The following PCDH15 variants were observed in gnomAD, a reference collection of about 807,000 sequenced individuals.
PCDH15 encodes protocadherin-15.
PCDH15 carries 129 observed loss-of-function variants against 178.5 expected under a neutral mutation model. That is an observed-to-expected ratio of 0.72 (90% CI 0.63 to 0.84). PCDH15 has a LOEUF of 0.84. Ranked by LOEUF, PCDH15 falls within the 40% of genes least tolerant of loss-of-function variation. The pLI, the probability that PCDH15 is intolerant of heterozygous loss-of-function variation, is 0.00. For synonymous variants in PCDH15, 800 were observed against 732.0 expected (o/e 1.09, Z -1.50); for missense variants, 2,230 against 2,099.9 (o/e 1.06, Z -1.21).
At chr10:54,733,797 A>T (rs1943715286) in intron 1 of PCDH15, among the ~76,000 whole-genome samples, 1 of 151,432 alleles carries the variant, frequency 6.6e-6, no homozygotes, top group African/African-American at 2.4e-5. Flanking sequence ...AGAACCACAC[A>T]AATGTTTATT....
chr10:54,186,094 T>A (rs2048450559), intron 11 of PCDH15, among the ~76,000 whole-genome samples: 1 of 151,918 alleles, frequency 6.6e-6, no homozygotes, highest in Non-Finnish European at 1.5e-5. Flanking sequence ...CTAGCACTGA[T>A]GTCTGCATAG....
In PCDH15 at chr10:54,752,476, CAAA is replaced by C. The variant is rs755874514; in HGVS notation, c.-29+48446_-29+48448del. 6.0e-4 allele frequency among the ~76,000 whole-genome samples: 54 copies of C among 89,782 alleles called. 7 individuals are homozygous for C. The highest frequency in any genetic ancestry group is 3.9e-4 in the Admixed American group (4 of 10,282). 58.9% of individuals were successfully genotyped at this position (89,782 alleles called of 152,430 possible). A position where few individuals can be genotyped will look rare whatever the true frequency, so the allele number is the denominator to read the frequency against. Reference sequence around the variant, plus strand: ...TGGGTGACAGAACGAGACTCCGTCTCAAAAAAAAAAAAAAACAAAAAACAAAAA... The same window carrying C: ...TGGGTGACAGAACGAGACTCCGTCTCAAAAAAAAAAAACAAAAAACAAAAA... On this transcript the variant is annotated intron_variant, in intron 1 of 37. Transcript: ENST00000644397.
At chr10:54,455,931 A>G (rs1589501719) in intron 3 of PCDH15, among the ~76,000 whole-genome samples, 1 of 152,314 alleles carries the variant, frequency 6.6e-6, no homozygotes, top group Non-Finnish European at 1.5e-5. Flanking sequence ...TTGGCAGCTT[A>G]CACATGGTAT....
rs561001302 is a variant in PCDH15, at chr10:54,359,584, A to T, written c.474+9536T>A. Among the ~76,000 whole-genome samples, 3 of 152,160 alleles carry T rather than the reference A, an allele frequency of 2.0e-5. No homozygotes were observed. In the South Asian group the frequency reaches 6.2e-4, roughly 31 times the overall value. ...TATAAGAAAAATAATGTTTAAATGT[A>T]ATATAGCTTTACTTCTATTACATTT... On this transcript the variant is annotated intron_variant, in intron 5 of 37. Transcript: ENST00000644397.
intron 2 of PCDH15, among the ~76,000 whole-genome samples, chr10:55,144,351 T>G (rs1371884358): frequency 6.6e-6 from 1 of 152,030 alleles, no homozygotes; most frequent in Admixed American, 6.6e-5. Context: ...CATCTCAACT[T>G]TGTCTGCATG....
chr10:54,225,252 C>A (rs1215436632), intron 9 of PCDH15, among the ~76,000 whole-genome samples: 1 of 152,122 alleles, frequency 6.6e-6, no homozygotes, highest in African/African-American at 2.4e-5. Context: ...TTCTTGTATC[C>A]TTTAAAGTTT....
At chr10:54,527,388 T>C (rs938317188) in intron 3 of PCDH15, among the ~76,000 whole-genome samples, 28 of 152,240 alleles carry the variant, frequency 1.8e-4, no homozygotes, top group African/African-American at 6.5e-4. Context: ...ACAATCACCA[T>C]GTCTAATCGG....
chr10:54,398,918 A>G (rs1482927188), intron 3 of PCDH15, among the ~76,000 whole-genome samples: 3 of 152,114 alleles, frequency 2.0e-5, no homozygotes, highest in Non-Finnish European at 4.4e-5. Flanking sequence ...AATAATGTAA[A>G]TGGCCGACAT....
At chr10:54,871,428 G>GA (rs5785096) in intron 3 of PCDH15, among the ~76,000 whole-genome samples, 82,732 of 143,296 alleles carry the variant, frequency 0.58, 23,543 homozygotes, top group South Asian at 0.66. Flanking sequence ...AGTCTGAGAG[G>GA]AAAAAAAAAA....
intron 13 of PCDH15, among the ~76,000 whole-genome samples, chr10:54,173,734 CA>C (rs1350952463): frequency 2.0e-5 from 3 of 151,982 alleles, no homozygotes; most frequent in African/African-American, 7.2e-5. Context: ...GAAAAGTATG[CA>C]AAAAAATTGA....
rs900997855 is a variant in PCDH15, at chr10:54,079,389, C to T, written c.2033G>A (p.Arg678Lys). ...CAGAATGTAGCGATCAGTGCTTTCC[C>T]TGTCCAGTGCTTTCCCTAAGGTTAG... ...GILTLGKALD[R>K]ESTDRYILII... Residue 678 changes from arginine (R) to lysine (K), a missense_variant, in exon 17 of 38, where the codon AGG (arginine) becomes AAG (lysine). Physicochemically the swap from Arg to Lys is conservative, Grantham distance 26. Transcript: ENST00000644397. The T allele has an allele frequency of 1.9e-6, 3 of 1,614,112 alleles. No homozygotes were observed. The highest frequency in any genetic ancestry group is 1.7e-6 in the Non-Finnish European group (2 of 1,179,970).
At chr10:55,121,356 G>A (rs1303821596) in intron 2 of PCDH15, among the ~76,000 whole-genome samples, 16 of 50,284 alleles carry the variant, frequency 3.2e-4, no homozygotes, top group Non-Finnish European at 1.4e-3. Flanking sequence ...CAGGCTCAGA[G>A]CTGGGGGGGG....
chr10:54,717,964 A>G (rs2095501352), intron 1 of PCDH15, among the ~76,000 whole-genome samples: 1 of 146,752 alleles, frequency 6.8e-6, no homozygotes, highest in East Asian at 2.0e-4. Flanking sequence ...CTTTGTAGGG[A>G]CACGGATGAA....
At chr10:55,496,914 C>T (rs981956705) in intron 2 of PCDH15, among the ~76,000 whole-genome samples, 1 of 151,698 alleles carries the variant, frequency 6.6e-6, no homozygotes, top group African/African-American at 2.4e-5. Context: ...CATAACTTTC[C>T]ATTGATTTTA....
At chr10:54,514,805 C>T (rs73258145) in intron 3 of PCDH15, among the ~76,000 whole-genome samples, 1 of 152,194 alleles carries the variant, frequency 6.6e-6, no homozygotes, top group East Asian at 1.9e-4. Context: ...AACTTTCATA[C>T]TTGCTATGCA....
At chr10:54,736,820 GGAGA>G (rs1944189858) in intron 1 of PCDH15, among the ~76,000 whole-genome samples, 1 of 152,048 alleles carries the variant, frequency 6.6e-6, no homozygotes, top group South Asian at 2.1e-4. Context: ...TGAGGGAAAA[GGAGA>G]GTGAGGCAGG....
At chr10:55,551,739 T>G (rs1342685409) in intron 2 of PCDH15, among the ~76,000 whole-genome samples, 2 of 151,770 alleles carry the variant, frequency 1.3e-5, no homozygotes, top group Admixed American at 6.6e-5. Context: ...TTGATTTTAA[T>G]TATTATTTAT....
At chr10:54,220,787 T>C (rs1456246229) in intron 9 of PCDH15, among the ~76,000 whole-genome samples, 3 of 151,650 alleles carry the variant, frequency 2.0e-5, no homozygotes, top group African/African-American at 4.8e-5. Flanking sequence ...ATCGCGCCAC[T>C]GCACTCCAGC....
intron 1 of PCDH15, among the ~76,000 whole-genome samples, chr10:55,288,063 AAT>A (rs909645766): frequency 1.3e-5 from 2 of 149,924 alleles, no homozygotes; most frequent in South Asian, 2.1e-4. Flanking sequence ...CACGATACTT[AAT>A]ATATATATAT....
Sources: gnomAD v4.1 joint callset for allele counts (sites outside exome capture counted in the v4.1 genomes callset) on GRCh38, gnomAD v4.1.1 for gene constraint, MANE v1.5 for transcripts, NCBI Gene and HGNC (gene_info 2026-07-23, HGNC 2026-07-21) for gene names.